The following RBFOX1 variants were observed in gnomAD, a reference collection of about 807,000 sequenced individuals.
RBFOX1 encodes RNA binding protein fox-1 homolog 1.
In RBFOX1, 8 loss-of-function variants were observed where a neutral mutation model predicts 57.7. The observed-to-expected ratio is 0.14, with a 90% CI of 0.08 to 0.25. The LOEUF (loss-of-function observed/expected upper bound fraction) is 0.25, where lower values mean the gene tolerates loss of function less well. Among genes scored for constraint, RBFOX1 ranks in the 10% least tolerant of loss-of-function variants. The pLI is 1.00. For synonymous variants in RBFOX1, 326 were observed against 222.4 expected (o/e 1.47, Z -4.15); for missense variants, 611 against 548.5 (o/e 1.11, Z -1.14).
chr16:7,140,445 A>G (rs1337505746), intron 4 of RBFOX1, among the ~76,000 whole-genome samples: 1 of 151,778 alleles, frequency 6.6e-6, no homozygotes, highest in Non-Finnish European at 1.5e-5. Context: ...AACTTCCCAA[A>G]TATGTAGTTT....
chr16:6,607,989 G>T (rs2097969177), intron 2 of RBFOX1, among the ~76,000 whole-genome samples: 1 of 152,100 alleles, frequency 6.6e-6, no homozygotes, highest in Non-Finnish European at 1.5e-5. Flanking sequence ...CCCTTTACTG[G>T]GAAGGCTTTG....
At chr16:7,050,849 C>T (rs1282261624) in intron 3 of RBFOX1, among the ~76,000 whole-genome samples, 1 of 151,836 alleles carries the variant, frequency 6.6e-6, no homozygotes, top group East Asian at 1.9e-4. Flanking sequence ...CATTTGTGTG[C>T]CTCTGCATAT....
chr16:5,243,508 G>A (rs1304029097), intron 1 of RBFOX1, among the ~76,000 whole-genome samples: 4 of 152,124 alleles, frequency 2.6e-5, no homozygotes, highest in Non-Finnish European at 5.9e-5. Context: ...GTGCTGGTGG[G>A]GGCCGTCCCG....
intron 4 of RBFOX1, chr16:7,304,455 G>A: frequency 3.0e-6 from 3 of 985,322 alleles, no homozygotes; most frequent in Non-Finnish European, 3.6e-6. Context: ...CCCAGCTTTC[G>A]TGTGCCTTGA....
In RBFOX1 at chr16:6,649,775, G is replaced by A. The variant is rs78854981; in HGVS notation, c.-63-4828G>A. On this transcript the variant is annotated intron_variant, in intron 2 of 15. Coordinates refer to ENST00000550418, the MANE Select transcript of RBFOX1 (RefSeq NM_018723.4). ...ATTACATATGTATATATAAGATGTA[G>A]TATTCCATTTTATATATGTAAGTAT... is the stretch of plus-strand genomic sequence containing the variant. 2.2e-3 allele frequency among the ~76,000 whole-genome samples: 340 copies of A among 152,122 alleles called. 2 individuals carry two copies. The highest frequency in any genetic ancestry group is 8.1e-3 in the African/African-American group (336 of 41,472).
intron 4 of RBFOX1, among the ~76,000 whole-genome samples, chr16:5,884,558 C>T (rs1325088610): frequency 1.3e-5 from 2 of 151,660 alleles, no homozygotes; most frequent in African/African-American, 4.9e-5. Context: ...GAGTTCTGCC[C>T]AATGGAAGGT....
At chr16:6,450,812 T>C (rs8059702) in intron 2 of RBFOX1, among the ~76,000 whole-genome samples, 3 of 17,546 alleles carry the variant, frequency 1.7e-4, no homozygotes, top group East Asian at 3.8e-3. Flanking sequence ...TATATATATA[T>C]ATATACATAT....
intron 3 of RBFOX1, among the ~76,000 whole-genome samples, chr16:5,848,897 C>T (rs560621297): frequency 6.6e-6 from 1 of 151,834 alleles, no homozygotes; most frequent in Admixed American, 6.6e-5. Flanking sequence ...TGCAGTGAGC[C>T]GAGATCATGC....
At chr16:6,382,203 T>C (rs1354610670) in intron 2 of RBFOX1, among the ~76,000 whole-genome samples, 2 of 152,218 alleles carry the variant, frequency 1.3e-5, no homozygotes, top group Non-Finnish European at 2.9e-5. Flanking sequence ...CATTTAAAAT[T>C]GCAAGAGCCA....
intron 3 of RBFOX1, among the ~76,000 whole-genome samples, chr16:6,874,947 T>A (rs575521991): frequency 4.2e-4 from 64 of 152,248 alleles, no homozygotes; most frequent in African/African-American, 1.4e-3. Flanking sequence ...AAGATAAAAT[T>A]AGAAACCAAG....
chr16:7,454,064 C>G (rs1325966648), intron 4 of RBFOX1, among the ~76,000 whole-genome samples: 3 of 152,176 alleles, frequency 2.0e-5, no homozygotes, highest in Admixed American at 2.0e-4. Context: ...GAAACCCCGT[C>G]TCTACTAAAA....
At chr16:6,539,661 G>C (rs541508485) in intron 2 of RBFOX1, among the ~76,000 whole-genome samples, 1 of 152,110 alleles carries the variant, frequency 6.6e-6, no homozygotes, top group African/African-American at 2.4e-5. Flanking sequence ...AGCCATGCCT[G>C]GTGGCCAGCA....
At chr16:6,296,408 C>T (rs373093155) in intron 1 of RBFOX1, among the ~76,000 whole-genome samples, 47 of 148,010 alleles carry the variant, frequency 3.2e-4, no homozygotes, top group Non-Finnish European at 4.6e-4. Context: ...TACGATTAAG[C>T]GGGGAGGGGA....
intron 3 of RBFOX1, among the ~76,000 whole-genome samples, chr16:7,044,270 G>C (rs1002138556): frequency 1.3e-5 from 2 of 152,178 alleles, no homozygotes; most frequent in African/African-American, 4.8e-5. Flanking sequence ...CTCATCTCTA[G>C]AAAAGGAAAG....
chr16:6,340,737 T>G (rs1436085398), intron 2 of RBFOX1, among the ~76,000 whole-genome samples: 1 of 152,198 alleles, frequency 6.6e-6, no homozygotes, highest in Non-Finnish European at 1.5e-5. Context: ...TATCTTGTGC[T>G]GACCTCCTGT....
intron 3 of RBFOX1, among the ~76,000 whole-genome samples, chr16:7,021,710 C>G (rs1379916360): frequency 6.7e-6 from 1 of 149,964 alleles, no homozygotes; most frequent in East Asian, 2.0e-4. Context: ...TAGTATTTAC[C>G]AAGCTTTTTG....
chr16:7,021,550 A>ATTTATAAAATATATTATAT lies in RBFOX1; in HGVS notation c.-15-30492_-15-30474dup, dbSNP rs966400605. ...TTATAAAATTTTATAAAATTTTTAT[A>ATTTATAAAATATATTATAT]TTTATAAAATATATTATATTTTATA... On this transcript the variant is annotated intron_variant, in intron 3 of 15. Transcript: ENST00000550418. Among the ~76,000 whole-genome samples the ATTTATAAAATATATTATAT allele has an allele frequency of 3.2e-4, 46 of 145,294 alleles. 2 individuals are homozygous for ATTTATAAAATATATTATAT. The East Asian group carries it at 5.3e-3, about 17-fold the overall frequency.
chr16:6,828,451 G>A (rs2092406052), intron 3 of RBFOX1, among the ~76,000 whole-genome samples: 1 of 151,916 alleles, frequency 6.6e-6, no homozygotes, highest in Non-Finnish European at 1.5e-5. Flanking sequence ...TTGAACCCAG[G>A]AGGAAGAGGT....
At chr16:7,700,065 C>G (rs937574182) in intron 14 of RBFOX1, among the ~76,000 whole-genome samples, 3 of 152,124 alleles carry the variant, frequency 2.0e-5, no homozygotes, top group African/African-American at 7.2e-5. Context: ...CCCTACTTCT[C>G]AACCTGCTTG....
Sources: gnomAD v4.1 joint callset for allele counts (sites outside exome capture counted in the v4.1 genomes callset) on GRCh38, gnomAD v4.1.1 for gene constraint, MANE v1.5 for transcripts, NCBI Gene and HGNC (gene_info 2026-07-23, HGNC 2026-07-21) for gene names.